Variants in DTD1 observed in about 807,000 individuals in gnomAD.
The protein encoded by DTD1 is D-aminoacyl-tRNA deacylase 1, also known as D-tyrosyl-tRNA deacylase 1 homolog.
Under a neutral mutation model 25.6 loss-of-function variants are expected in DTD1, and 13 were observed. The observed-to-expected ratio is 0.51, with a 90% CI of 0.33 to 0.81. The LOEUF (loss-of-function observed/expected upper bound fraction) is 0.81, where lower values mean the gene tolerates loss of function less well. Ranked by LOEUF, DTD1 falls within the 30% of genes least tolerant of loss-of-function variation. The probability of loss-of-function intolerance (pLI) is 0.02; values close to 1 mark genes in which losing one functional copy is unlikely to be tolerated. For synonymous variants in DTD1, 110 were observed against 103.6 expected (o/e 1.06, Z -0.37); for missense variants, 193 against 266.4 (o/e 0.72, Z 1.92).
chr20:18,624,722 C>T (rs1205279789), intron 3 of DTD1, among the ~76,000 whole-genome samples: 2 of 152,144 alleles, frequency 1.3e-5, no homozygotes, highest in African/African-American at 2.4e-5. Flanking sequence ...ATGTCAAGGA[C>T]CCCAGCAGGG....
chr20:18,708,247 A>T (rs2061138249), intron 4 of DTD1, among the ~76,000 whole-genome samples: 1 of 25,924 alleles, frequency 3.9e-5, no homozygotes, highest in Non-Finnish European at 6.1e-5. Context: ...TATATATAAT[A>T]TATATTATAT....
At chr20:18,599,626 G>C (rs1262614776) in intron 3 of DTD1, among the ~76,000 whole-genome samples, 3 of 152,220 alleles carry the variant, frequency 2.0e-5, no homozygotes, top group African/African-American at 4.8e-5. Flanking sequence ...GGATCATTTT[G>C]CATTCCCACC....
At chr20:18,602,498 GA>G (rs1482766937) in intron 3 of DTD1, among the ~76,000 whole-genome samples, 2 of 7,760 alleles carry the variant, frequency 2.6e-4, no homozygotes, top group Non-Finnish European at 1.2e-3. Flanking sequence ...TGAAATGAAG[GA>G]AAAAATGTTA....
intron 3 of DTD1, among the ~76,000 whole-genome samples, chr20:18,597,304 G>T (rs2060616061): frequency 6.6e-6 from 1 of 151,816 alleles, no homozygotes. Flanking sequence ...AAATTTATAA[G>T]GATCTTAGTA....
intron 2 of DTD1, among the ~76,000 whole-genome samples, chr20:18,594,209 G>T (rs1472303920): frequency 1.3e-5 from 2 of 152,128 alleles, no homozygotes; most frequent in African/African-American, 4.8e-5. Flanking sequence ...TAGGGATCTA[G>T]AACTCAGAGA....
chr20:18,689,954 T>G (rs900895287), intron 4 of DTD1, among the ~76,000 whole-genome samples: 4 of 12,230 alleles, frequency 3.3e-4, no homozygotes, highest in Non-Finnish European at 1.2e-3. Flanking sequence ...CTGGGGCAAC[T>G]TAGCGAGACC....
chr20:18,700,204 T>C (rs185258183), intron 4 of DTD1, among the ~76,000 whole-genome samples: 9 of 152,346 alleles, frequency 5.9e-5, no homozygotes, highest in Admixed American at 2.0e-4. Flanking sequence ...TGACTACTGA[T>C]GCTGACCTTG....
intron 1 of DTD1, 146 bp from the exon 2 acceptor site, chr20:18,593,585 C>A: frequency 1.6e-6 from 1 of 611,900 alleles, no homozygotes; most frequent in Non-Finnish European, 3.0e-6. Context: ...TTATGTAACT[C>A]TTTTCATTTT....
chr20:18,588,970 T>G (rs544370289), intron 1 of DTD1: 45 of 754,808 alleles, frequency 6.0e-5, no homozygotes, highest in Non-Finnish European at 6.8e-5. Context: ...ACAACTATAT[T>G]GTTTCAGTTC....
chr20:18,593,859 A>G, intron 2 of DTD1, 38 bp downstream of exon 2: 7 of 1,546,432 alleles, frequency 4.5e-6, no homozygotes, highest in Non-Finnish European at 6.2e-6. Flanking sequence ...TGAGTGGGCT[A>G]TGTGGTGGTG....
intron 4 of DTD1, among the ~76,000 whole-genome samples, chr20:18,697,716 G>A (rs914718105): frequency 2.6e-5 from 4 of 152,186 alleles, no homozygotes; most frequent in South Asian, 2.1e-4. Flanking sequence ...ACAGAGTCTC[G>A]CTCTTTCGCC....
chr20:18,645,248 G>A (rs1033057422), intron 4 of DTD1, among the ~76,000 whole-genome samples: 15 of 152,288 alleles, frequency 9.8e-5, no homozygotes, highest in Admixed American at 5.9e-4. Context: ...AGAGAAATTC[G>A]GGACTTGGAG....
chr20:18,672,260 A>C (rs1165377045), intron 4 of DTD1, among the ~76,000 whole-genome samples: 1 of 152,112 alleles, frequency 6.6e-6, no homozygotes, highest in East Asian at 1.9e-4. Context: ...AAGCTAAGTC[A>C]TCATTGTTAC....
intron 4 of DTD1, among the ~76,000 whole-genome samples, chr20:18,628,949 T>G (rs1385576751): frequency 6.7e-6 from 1 of 150,250 alleles, no homozygotes; most frequent in Non-Finnish European, 1.5e-5. Flanking sequence ...GGGGACAGCG[T>G]GATAGAAACG....
chr20:18,698,676 A>G (rs1162738132), intron 4 of DTD1: 1 of 152,224 alleles, frequency 6.6e-6, no homozygotes, highest in Admixed American at 6.5e-5. Flanking sequence ...GCTCATTCCC[A>G]TTCCCTCCTC....
At chr20:18,725,896 C>G (rs1182238311) in intron 4 of DTD1, among the ~76,000 whole-genome samples, 1 of 152,212 alleles carries the variant, frequency 6.6e-6, no homozygotes, top group Non-Finnish European at 1.5e-5. Context: ...CATTTTATCC[C>G]TAGGATTCAG....
At chr20:18,632,802 T>G (rs2060793589) in intron 4 of DTD1, 2 of 374,934 alleles carry the variant, frequency 5.3e-6, no homozygotes, top group Non-Finnish European at 7.4e-6. Context: ...TATGTGTGCA[T>G]GGGTATGTGT....
intron 4 of DTD1, among the ~76,000 whole-genome samples, chr20:18,703,664 C>T (rs748042706): frequency 6.6e-6 from 1 of 151,710 alleles, no homozygotes; most frequent in African/African-American, 2.4e-5. Flanking sequence ...TTAATTTTGG[C>T]AAGCAATTTT....
intron 5 of DTD1, among the ~76,000 whole-genome samples, chr20:18,754,640 A>G (rs1393768852): frequency 6.6e-6 from 1 of 152,214 alleles, no homozygotes; most frequent in East Asian, 1.9e-4. Context: ...GACCTCACAG[A>G]TAGCTCACTC....
Sources: allele counts gnomAD v4.1 joint callset (sites outside exome capture counted in the v4.1 genomes callset), GRCh38; gene constraint gnomAD v4.1.1; transcripts MANE v1.5; gene names NCBI Gene and HGNC (gene_info 2026-07-23, HGNC 2026-07-21).